Variants in PDE3A observed in about 807,000 individuals in gnomAD.
The protein encoded by PDE3A is cGMP-inhibited 3',5'-cyclic phosphodiesterase 3A.
Under a neutral mutation model 98.3 loss-of-function variants are expected in PDE3A, and 43 were observed. That is an observed-to-expected ratio of 0.44 (90% CI 0.34 to 0.56). PDE3A has a LOEUF of 0.56. Ranked by LOEUF, PDE3A falls within the 20% of genes least tolerant of loss-of-function variation. The pLI is 0.01. For synonymous variants in PDE3A, 663 were observed against 567.9 expected (o/e 1.17, Z -2.38); for missense variants, 1,427 against 1,440.7 (o/e 0.99, Z 0.15).
intron 14 of PDE3A, among the ~76,000 whole-genome samples, chr12:20,652,877 A>G (rs554396219): frequency 6.6e-6 from 1 of 152,368 alleles, no homozygotes; most frequent in East Asian, 1.9e-4. Flanking sequence ...AACTACCATC[A>G]GAGTGAACAG....
At chr12:20,676,332 A>G (rs956489111) in intron 15 of PDE3A, among the ~76,000 whole-genome samples, 1 of 152,088 alleles carries the variant, frequency 6.6e-6, no homozygotes, top group Non-Finnish European at 1.5e-5. Flanking sequence ...ATAAAGGACA[A>G]CTTGGCTGGG....
intron 1 of PDE3A, chr12:20,551,736 G>T: frequency 6.2e-7 from 1 of 1,613,942 alleles, no homozygotes; most frequent in Non-Finnish European, 8.5e-7. Context: ...ATGCCAGCGA[G>T]GTGGTACTGG....
intron 1 of PDE3A, among the ~76,000 whole-genome samples, chr12:20,496,298 C>A (rs1175974907): frequency 6.6e-6 from 1 of 152,170 alleles, no homozygotes; most frequent in African/African-American, 2.4e-5. Context: ...ATTGAAAGGC[C>A]AGAGCCATCC....
rs1181806344 is a variant in PDE3A, at chr12:20,507,971, A to G, written c.961-48689A>G. Among the ~76,000 whole-genome samples the G allele has an allele frequency of 2.0e-5, 3 of 152,090 alleles. No individual in the cohort carries two copies. In the East Asian group the frequency reaches 5.8e-4, roughly 29 times the overall value. On this transcript the variant is annotated intron_variant, in intron 1 of 15. Coordinates refer to ENST00000359062, the MANE Select transcript of PDE3A (RefSeq NM_000921.5). The stretch of plus-strand genomic sequence containing the variant: ...GTCAGTTAATGTCACTCCTCTGCTC[A>G]AAACCCTCCAATGGCTCCCGTGTTA...
chr12:20,467,272 T>C (rs2120950471), intron 1 of PDE3A, among the ~76,000 whole-genome samples: 1 of 151,154 alleles, frequency 6.6e-6, no homozygotes, highest in South Asian at 2.1e-4. Context: ...CTGAATGAGA[T>C]CCTTTAACAA....
At position 20,369,876 on chromosome 12, in the gene PDE3A, T is replaced by G; in HGVS notation, c.592T>G (p.Leu198Val). Residue 198 changes from leucine (L) to valine (V), a missense_variant, in exon 1 of 16, where the codon TTG becomes GTG. This residue lies in a region of PDE3A where 1,012 missense variants were observed against 886.5 expected (regional missense o/e 1.14). Coordinates refer to ENST00000359062, the MANE Select transcript of PDE3A (RefSeq NM_000921.5). ...CGCCGCGGGGGTGGTGCTCAGCTGC[T>G]TGGCCGCCGCGACATGGCTGGTGCT... Reference protein sequence around the residue: ...LPAAGVVLSCLAAATWLVLRL... With the variant: ...LPAAGVVLSCVAAATWLVLRL... The G allele has an allele frequency of 6.2e-7, 1 of 1,613,040 alleles. No homozygotes were observed. Among genetic ancestry groups the G allele is most frequent in the Non-Finnish European group, 8.5e-7 (1 of 1,179,722 alleles).
At position 20,569,960 on chromosome 12, in the gene PDE3A, T is replaced by A. The variant is rs558071992; in HGVS notation, c.1011+13250T>A. On this transcript the variant is annotated intron_variant, in intron 2 of 15. Transcript: ENST00000359062. ...GCCAGATGACCTCTGCAGTGTTGAA[T>A]TCAGTTCTGAGTACATAATTTCAAG... 8.5e-5 allele frequency among the ~76,000 whole-genome samples: 13 copies of A among 152,300 alleles called. No individual in the cohort carries two copies. In the East Asian group the frequency reaches 2.3e-3, roughly 27 times the overall value.
chr12:20,624,480 G>C (rs185826229), intron 5 of PDE3A, among the ~76,000 whole-genome samples: 3 of 152,216 alleles, frequency 2.0e-5, no homozygotes, highest in Admixed American at 2.0e-4. Flanking sequence ...TAAAAGGGAA[G>C]GAATGTCCAC....
intron 2 of PDE3A, among the ~76,000 whole-genome samples, chr12:20,590,985 A>T (rs2121376342): frequency 6.6e-6 from 1 of 152,316 alleles, no homozygotes; most frequent in Non-Finnish European, 1.5e-5. Context: ...TACCAGGCAT[A>T]AGTATTGCCA....
rs954428983 is a variant in PDE3A, at chr12:20,683,724, A to C, written c.*3453A>C. On this transcript the variant is annotated 3_prime_UTR_variant, in exon 16 of 16. Transcript: ENST00000359062. ...CTCTGTACAGGGATATATCTATATT[A>C]GTCTTCATCTGATGAATGAAGAAAT... The C allele has an allele frequency of 6.6e-6, 1 of 152,190 alleles. No homozygotes were observed. Among genetic ancestry groups the C allele is most frequent in the Non-Finnish European group, 1.5e-5 (1 of 68,030 alleles). 9.4% of individuals were successfully genotyped at this position (152,190 alleles called of 1,614,324 possible). A position where few individuals can be genotyped will look rare whatever the true frequency, so the allele number is the denominator to read the frequency against.
chr12:20,443,551 T>G (rs1944904511), intron 1 of PDE3A, among the ~76,000 whole-genome samples: 1 of 152,186 alleles, frequency 6.6e-6, no homozygotes, highest in Admixed American at 6.6e-5. Flanking sequence ...AGTCATTTTT[T>G]TGACTAGCTT....
chr12:20,402,358 AG>A (rs1189677767), intron 1 of PDE3A, among the ~76,000 whole-genome samples: 1 of 152,016 alleles, frequency 6.6e-6, no homozygotes, highest in African/African-American at 2.4e-5. Flanking sequence ...TATGTTGGCC[AG>A]ACTGGTCTCG....
chr12:20,559,967 A>G (rs1203268042), intron 2 of PDE3A, among the ~76,000 whole-genome samples: 1 of 152,200 alleles, frequency 6.6e-6, no homozygotes. Flanking sequence ...GATAATCTGG[A>G]GAATGCTATA....
chr12:20,613,980 G>A (rs552387380), intron 3 of PDE3A, among the ~76,000 whole-genome samples: 14 of 152,064 alleles, frequency 9.2e-5, no homozygotes, highest in South Asian at 2.1e-4. Context: ...TATGCCAGGC[G>A]CTTTTCTAAG....
intron 2 of PDE3A, among the ~76,000 whole-genome samples, chr12:20,587,890 C>T (rs971297806): frequency 6.6e-6 from 1 of 152,146 alleles, no homozygotes; most frequent in Non-Finnish European, 1.5e-5. Context: ...TAGAAAAAGG[C>T]TTTAAAGTTG....
rs879136039 is a variant in PDE3A, at chr12:20,369,190, C to CGTGCGT, written c.-92_-91insCGTGTG. On this transcript the variant is annotated 5_prime_UTR_variant, in exon 1 of 16. Transcript: ENST00000359062. ...GGTGGAATTGGGAAGAGCGTGCGTGCGTGTGTGTGTGTGTGTGTGTGCGCG... is the reference window on the plus strand; with the variant it reads ...GGTGGAATTGGGAAGAGCGTGCGTGCGTGCGTGTGTGTGTGTGTGTGTGTGTGCGCG... The CGTGCGT allele has an allele frequency of 6.6e-3, 4,288 of 652,996 alleles. 3 individuals carry two copies. The highest frequency in any genetic ancestry group is 8.6e-3 in the Non-Finnish European group (3,492 of 405,476). 40.5% of individuals were successfully genotyped at this position (652,996 alleles called of 1,614,324 possible). A position where few individuals can be genotyped will look rare whatever the true frequency, so the allele number is the denominator to read the frequency against.
At position 20,654,162 on chromosome 12, in the gene PDE3A, A is replaced by T. The variant is rs1226860512; in HGVS notation, c.3141A>T (p.Pro1047=). ...DDPEEEEEEA[P]APNEEETCEN... The stretch of plus-strand genomic sequence containing the variant: ...CAGAAGAAGAGGAGGAAGAAGCACC[A>T]GCACCAAATGAAGAGGAAACCTGTG... The change falls in exon 15 of 16, where the codon CCA becomes CCT. Residue 1047 remains proline, a synonymous_variant. Coordinates refer to ENST00000359062, the MANE Select transcript of PDE3A (RefSeq NM_000921.5). The T allele has an allele frequency of 6.2e-7, 1 of 1,614,042 alleles. No homozygotes were observed. The highest frequency in any genetic ancestry group is 1.7e-5 in the Admixed American group (1 of 60,008).
intron 1 of PDE3A, among the ~76,000 whole-genome samples, chr12:20,406,322 A>G (rs928683841): frequency 2.0e-5 from 3 of 152,160 alleles, no homozygotes; most frequent in Admixed American, 6.5e-5. Context: ...GTTTTTCGTA[A>G]TCAGTTTACT....
intron 1 of PDE3A, among the ~76,000 whole-genome samples, chr12:20,443,367 G>C (rs1370554465): frequency 6.6e-6 from 1 of 152,088 alleles, no homozygotes; most frequent in Non-Finnish European, 1.5e-5. Context: ...AAGGGGATAT[G>C]GCTGACAGGA....
Sources: allele counts gnomAD v4.1 joint callset (sites outside exome capture counted in the v4.1 genomes callset), GRCh38; gene constraint gnomAD v4.1.1; regional missense constraint gnomAD v4.1.1; transcripts MANE v1.5; gene names NCBI Gene and HGNC (gene_info 2026-07-23, HGNC 2026-07-21).